ADAM2: variants seen among roughly 807,000 people sequenced by gnomAD.
ADAM2 encodes ADAM metallopeptidase domain 2.
A neutral mutation model predicts 99.3 loss-of-function variants in ADAM2; 101 were observed. The ratio of observed to expected loss-of-function variants is 1.02; its 90% confidence interval spans 0.87 to 1.20. The LOEUF is 1.20. Ranked by LOEUF, ADAM2 falls within the 50% of genes most tolerant of loss-of-function variation. ADAM2 has a pLI of 0.00. For synonymous variants in ADAM2, 323 were observed against 287.6 expected (o/e 1.12, Z -1.25); for missense variants, 948 against 878.7 (o/e 1.08, Z -1.00).
At chr8:39,831,751 G>A (rs906134306) in intron 3 of ADAM2, among the ~76,000 whole-genome samples, 8 of 151,990 alleles carry the variant, frequency 5.3e-5, no homozygotes, top group Non-Finnish European at 7.4e-5. Flanking sequence ...AATAAAGCAC[G>A]AAATCAGGAA....
chr8:39,780,524 C>T (rs139919175), intron 10 of ADAM2, among the ~76,000 whole-genome samples: 1 of 152,088 alleles, frequency 6.6e-6, no homozygotes, highest in Non-Finnish European at 1.5e-5. Flanking sequence ...GCACATTAAC[C>T]TCTGCCACCC....
At chr8:39,802,112 C>T (rs145712755) in intron 7 of ADAM2, among the ~76,000 whole-genome samples, 22 of 152,308 alleles carry the variant, frequency 1.4e-4, no homozygotes, top group African/African-American at 5.1e-4. Context: ...AGACACTAGG[C>T]CCCAGTGGCG....
chr8:39,763,597 T>C (rs764973901), intron 14 of ADAM2, among the ~76,000 whole-genome samples: 28 of 152,334 alleles, frequency 1.8e-4, no homozygotes, highest in Admixed American at 4.6e-4. Context: ...TAAACAACAA[T>C]GCCCACTCCC....
chr8:39,778,501 C>T (rs887109029), intron 10 of ADAM2, among the ~76,000 whole-genome samples: 2 of 152,128 alleles, frequency 1.3e-5, no homozygotes, highest in African/African-American at 4.8e-5. Flanking sequence ...TAAAATGACT[C>T]TCTTCCCTCC....
intron 10 of ADAM2, among the ~76,000 whole-genome samples, chr8:39,778,062 A>G (rs1803070559): frequency 6.7e-6 from 1 of 148,358 alleles, no homozygotes; most frequent in Admixed American, 6.8e-5. Flanking sequence ...ATATTAAATT[A>G]TAAACATATA....
intron 11 of ADAM2, among the ~76,000 whole-genome samples, chr8:39,772,440 T>A (rs1303478965): frequency 6.6e-6 from 1 of 152,066 alleles, no homozygotes; most frequent in Non-Finnish European, 1.5e-5. Context: ...TTAAATTTGG[T>A]TAATTGTTGT....
rs1368462879 is a variant in ADAM2 at position 39,749,753 on chromosome 8, G to A, written c.1798-9C>T. On this transcript the variant is annotated splice_polypyrimidine_tract_variant and intron_variant, in intron 16 of 20. Transcript: ENST00000265708. ...CTTTGATTCCTGCAAACCTAAAAAG[G>A]ATGAGCAAAAATAAGTTAATTGACA... is the stretch of plus-strand genomic sequence containing the variant. 1 of 1,608,842 alleles carries A rather than the reference G, an allele frequency of 6.2e-7. No individual in the cohort carries two copies. Among genetic ancestry groups the A allele is most frequent in the Non-Finnish European group, 8.5e-7 (1 of 1,177,014 alleles).
chr8:39,821,433 C>A (rs926981692), intron 5 of ADAM2, among the ~76,000 whole-genome samples, 153 bp downstream of exon 5: 1 of 152,074 alleles, frequency 6.6e-6, no homozygotes, highest in African/African-American at 2.4e-5. Context: ...GGGCAGGAGC[C>A]ATCATAAGTA....
chr8:39,749,304 A>T lies in ADAM2; in HGVS notation c.2014+8T>A, dbSNP rs1823605373. The T allele has an allele frequency of 6.3e-7, 1 of 1,597,224 alleles. No homozygotes were observed. The highest frequency in any genetic ancestry group is 8.5e-7 in the Non-Finnish European group (1 of 1,172,810). Reference sequence around the variant, plus strand: ...TTAATTATTTTCTGATTTATTATTAATACTTACCAGGGAGTCTGGCTGGTA... The same window carrying T: ...TTAATTATTTTCTGATTTATTATTATTACTTACCAGGGAGTCTGGCTGGTA... On this transcript the variant is annotated splice_region_variant and intron_variant, in intron 18 of 20. Coordinates refer to ENST00000265708, the MANE Select transcript of ADAM2 (RefSeq NM_001464.5).
chr8:39,765,026 A>AAAATAAATAAATAAAT (rs61653294), intron 14 of ADAM2, among the ~76,000 whole-genome samples: 1 of 145,252 alleles, frequency 6.9e-6, no homozygotes, highest in Admixed American at 6.9e-5. Context: ...CCGGCTCCAA[A>AAAATAAATAAATAAAT]AAATAAATAA....
At chr8:39,766,515 C>T (rs1802572245) in intron 14 of ADAM2, among the ~76,000 whole-genome samples, 1 of 151,234 alleles carries the variant, frequency 6.6e-6, no homozygotes, top group Admixed American at 6.6e-5. Context: ...TCTCAGCTCA[C>T]TGGAACCTCA....
At chr8:39,817,563 C>A (rs1050008627) in intron 6 of ADAM2, among the ~76,000 whole-genome samples, 1 of 152,050 alleles carries the variant, frequency 6.6e-6, no homozygotes, top group African/African-American at 2.4e-5. Flanking sequence ...TTGATCATTA[C>A]ACATTTTATT....
intron 7 of ADAM2, among the ~76,000 whole-genome samples, chr8:39,793,592 G>T (rs1803808749): frequency 6.6e-6 from 1 of 152,076 alleles, no homozygotes; most frequent in African/African-American, 2.4e-5. Context: ...GGGTCCTTTG[G>T]CTCAACTCAC....
intron 3 of ADAM2, among the ~76,000 whole-genome samples, chr8:39,825,445 C>G (rs1282034745): frequency 6.6e-6 from 1 of 151,962 alleles, no homozygotes; most frequent in Admixed American, 6.6e-5. Flanking sequence ...TATGTTGTTA[C>G]TAATACTAAT....
chr8:39,820,399 T>C (rs976641721), intron 6 of ADAM2, among the ~76,000 whole-genome samples: 2 of 152,164 alleles, frequency 1.3e-5, no homozygotes, highest in South Asian at 2.1e-4. Flanking sequence ...CCTCCCATGG[T>C]ACTGCCGTCA....
chr8:39,768,716 T>A (rs1358257048), intron 12 of ADAM2, among the ~76,000 whole-genome samples: 3 of 152,144 alleles, frequency 2.0e-5, no homozygotes, highest in African/African-American at 7.2e-5. Context: ...AAGTATATAC[T>A]CAAGAGGAAA....
At chr8:39,816,801 GTTTC>G (rs1202677712) in intron 6 of ADAM2, among the ~76,000 whole-genome samples, 1 of 152,176 alleles carries the variant, frequency 6.6e-6, no homozygotes, top group Non-Finnish European at 1.5e-5. Context: ...TGGTTATAAA[GTTTC>G]TTTGTAGGGC....
At chr8:39,801,376 A>G (rs1425954223) in intron 7 of ADAM2, among the ~76,000 whole-genome samples, 1 of 152,206 alleles carries the variant, frequency 6.6e-6, no homozygotes, top group Non-Finnish European at 1.5e-5. Context: ...AGAGCAGCCA[A>G]GATGGGTACC....
chr8:39,761,312 T>C, intron 14 of ADAM2, 31 bp from the exon 15 acceptor site: 1 of 1,281,448 alleles, frequency 7.8e-7, no homozygotes, highest in South Asian at 1.4e-5. Flanking sequence ...TTAGTCATAT[T>C]AAACTTATAT....
Sources: gnomAD v4.1 joint callset for allele counts (sites outside exome capture counted in the v4.1 genomes callset) on GRCh38, gnomAD v4.1.1 for gene constraint, MANE v1.5 for transcripts, NCBI Gene and HGNC (gene_info 2026-07-23, HGNC 2026-07-21) for gene names.